ROR2: variants seen among roughly 807,000 people sequenced by gnomAD.
ROR2 encodes the protein tyrosine-protein kinase transmembrane receptor ROR2.
Under a neutral mutation model 74.9 loss-of-function variants are expected in ROR2, and 33 were observed. That is an observed-to-expected ratio of 0.44 (90% CI 0.33 to 0.59). The LOEUF (loss-of-function observed/expected upper bound fraction) is 0.59, where lower values mean the gene tolerates loss of function less well. Among genes scored for constraint, ROR2 ranks in the 20% least tolerant of loss-of-function variants. ROR2 has a pLI of 0.02. For synonymous variants in ROR2, 586 were observed against 558.7 expected (o/e 1.05, Z -0.69); for missense variants, 1,216 against 1,313.8 (o/e 0.93, Z 1.15).
Position 91,724,571 on chromosome 9 carries a change from A to G in ROR2, c.1923T>C (p.Tyr641=). 6.2e-7 allele frequency: 1 copy of G among 1,614,200 alleles called. No individual in the cohort carries two copies. The highest frequency in any genetic ancestry group is 8.5e-7 in the Non-Finnish European group (1 of 1,180,046). The change falls in exon 9 of 9, where the codon TAT becomes TAC. Residue 641 remains tyrosine, a synonymous_variant. Transcript: ENST00000375708. ...ISDLGLFREV[Y]AADYYKLLGN... ...CCAGCAGCTTGTAGTAATCGGCGGC[A>G]TACACCTCTCGGAAGAGGCCCAAGT...
rs560612479 is a variant in ROR2, at chr9:91,770,377, G to T, written c.175+5364C>A. On this transcript the variant is annotated intron_variant, in intron 2 of 8. Transcript: ENST00000375708. Reference sequence around the variant, plus strand: ...TGGCTCGCCTGCTGGCGGTCAGCACGGGGGCCCACCCCAGCCTCACTCGGT... The same window carrying T: ...TGGCTCGCCTGCTGGCGGTCAGCACTGGGGCCCACCCCAGCCTCACTCGGT... Among the ~76,000 whole-genome samples the T allele has an allele frequency of 2.6e-5, 4 of 152,206 alleles. No individual in the cohort carries two copies. The East Asian group carries it at 7.7e-4, about 29-fold the overall frequency.
intron 1 of ROR2, among the ~76,000 whole-genome samples, chr9:91,806,818 T>G (rs1458867978): frequency 2.0e-5 from 3 of 152,210 alleles, no homozygotes; most frequent in South Asian, 4.1e-4. Flanking sequence ...CTCGATCTCC[T>G]GACCTTGTGA....
intron 1 of ROR2, among the ~76,000 whole-genome samples, chr9:91,867,941 CCAG>C (rs1301911382): frequency 6.6e-6 from 1 of 152,114 alleles, no homozygotes; most frequent in Non-Finnish European, 1.5e-5. Flanking sequence ...TGAACAACAC[CCAG>C]AGTCTCACCA....
intron 2 of ROR2, among the ~76,000 whole-genome samples, chr9:91,772,073 G>T (rs73511102): frequency 0.1 from 15,531 of 152,246 alleles, 1,107 homozygotes; most frequent in East Asian, 0.26. Flanking sequence ...TTGCCAGGCC[G>T]ACTCCTTCTA....
At chr9:91,838,550 G>A (rs1006397076) in intron 1 of ROR2, among the ~76,000 whole-genome samples, 1 of 152,096 alleles carries the variant, frequency 6.6e-6, no homozygotes, top group Non-Finnish European at 1.5e-5. Flanking sequence ...GTTTCATTCC[G>A]AGTTAAGATC....
chr9:91,862,579 T>C (rs866335032), intron 1 of ROR2, among the ~76,000 whole-genome samples: 1 of 151,860 alleles, frequency 6.6e-6, no homozygotes, highest in South Asian at 2.1e-4. Flanking sequence ...GGAGAATCGC[T>C]TGAGCCCAGG....
intron 1 of ROR2, among the ~76,000 whole-genome samples, chr9:91,922,125 A>C (rs961917864): frequency 7.1e-6 from 1 of 139,968 alleles, no homozygotes; most frequent in African/African-American, 2.5e-5. Context: ...CAACAACAAC[A>C]AACAACAACA....
chr9:91,876,350 C>T (rs1829954932), intron 1 of ROR2, among the ~76,000 whole-genome samples: 1 of 148,506 alleles, frequency 6.7e-6, no homozygotes, highest in Non-Finnish European at 1.5e-5. Context: ...GCACGGGCGG[C>T]AGAGCCAGAC....
At chr9:91,737,602 C>T (rs757165901) in intron 4 of ROR2, 84 bp from the exon 5 acceptor site, 3 of 1,590,972 alleles carry the variant, frequency 1.9e-6, no homozygotes, top group Non-Finnish European at 2.6e-6. Context: ...CAGCATCTTG[C>T]GATCCAGCAA....
chr9:91,854,816 T>A (rs7039406), intron 1 of ROR2, among the ~76,000 whole-genome samples: 40,719 of 152,092 alleles, frequency 0.27, 5,828 homozygotes, highest in Admixed American at 0.43. Flanking sequence ...GAGGTAAGGT[T>A]TGAATGGTAG....
At chr9:91,883,463 A>G (rs1830178145) in intron 1 of ROR2, 1 of 152,218 alleles carries the variant, frequency 6.6e-6, no homozygotes, top group Non-Finnish European at 1.5e-5. Context: ...AGTAGCCACT[A>G]GCCACATGGG....
intron 1 of ROR2, among the ~76,000 whole-genome samples, chr9:91,929,364 C>T (rs370398778): frequency 6.6e-6 from 1 of 152,112 alleles, no homozygotes; most frequent in Non-Finnish European, 1.5e-5. Flanking sequence ...TTAAAAGCTC[C>T]GCAAAGGCAT....
intron 1 of ROR2, among the ~76,000 whole-genome samples, chr9:91,843,166 A>T (rs924864990): frequency 1.3e-5 from 2 of 152,236 alleles, no homozygotes; most frequent in Admixed American, 6.5e-5. Flanking sequence ...CAGGGAATAC[A>T]GAAAAAACAC....
At chr9:91,759,109 T>C (rs1007302488) in intron 2 of ROR2, among the ~76,000 whole-genome samples, 2 of 152,212 alleles carry the variant, frequency 1.3e-5, no homozygotes, top group Admixed American at 6.5e-5. Context: ...CAGGCATCTG[T>C]TGTTACAGAT....
chr9:91,927,404 C>T (rs926936709), intron 1 of ROR2, among the ~76,000 whole-genome samples: 3 of 152,138 alleles, frequency 2.0e-5, no homozygotes, highest in Non-Finnish European at 4.4e-5. Flanking sequence ...AACTAAACAC[C>T]GTACACAAAC....
chr9:91,932,491 T>C (rs1247653268), intron 1 of ROR2, among the ~76,000 whole-genome samples: 1 of 144,714 alleles, frequency 6.9e-6, no homozygotes, highest in Non-Finnish European at 1.5e-5. Context: ...ACTCCGTCTC[T>C]ACTAAAAATA....
intron 8 of ROR2, 107 bp from the exon 9 acceptor site, chr9:91,725,214 G>A (rs1019430685): frequency 1.1e-5 from 18 of 1,585,278 alleles, no homozygotes; most frequent in Admixed American, 3.3e-5. Context: ...ACGACTAGGG[G>A]GGCCTTGCAG....
intron 1 of ROR2, among the ~76,000 whole-genome samples, chr9:91,900,129 C>T (rs1830634159): frequency 6.6e-6 from 1 of 152,222 alleles, no homozygotes; most frequent in African/African-American, 2.4e-5. Context: ...GACAGCAAGT[C>T]AGCAGGGCTC....
At chr9:91,836,782 C>T (rs577085763) in intron 1 of ROR2, among the ~76,000 whole-genome samples, 1 of 152,348 alleles carries the variant, frequency 6.6e-6, no homozygotes, top group Non-Finnish European at 1.5e-5. Context: ...TTCCAGGCTG[C>T]CCAGTTATGA....
Sources: gnomAD v4.1 joint callset for allele counts (sites outside exome capture counted in the v4.1 genomes callset) on GRCh38, gnomAD v4.1.1 for gene constraint, MANE v1.5 for transcripts, NCBI Gene and HGNC (gene_info 2026-07-23, HGNC 2026-07-21) for gene names.